The following NPM1 variants were observed in gnomAD, a reference collection of about 807,000 sequenced individuals.
The protein encoded by NPM1 is nucleophosmin.
NPM1 carries 1 observed loss-of-function variant against 44.1 expected under a neutral mutation model. The observed-to-expected ratio is 0.02, with a 90% CI of 0.01 to 0.11. The LOEUF is 0.11. Ranked by LOEUF, NPM1 falls within the 10% of genes least tolerant of loss-of-function variation. NPM1 has a pLI of 1.00. For synonymous variants in NPM1, 126 were observed against 111.8 expected (o/e 1.13, Z -0.80); for missense variants, 197 against 347.8 (o/e 0.57, Z 3.45).
At chr5:171,402,135 C>T (rs1429718550) in intron 8 of NPM1, among the ~76,000 whole-genome samples, 1 of 144,748 alleles carries the variant, frequency 6.9e-6, no homozygotes, top group Non-Finnish European at 1.5e-5. Context: ...CACATATAAT[C>T]TATTGACTAA....
chr5:171,400,925 A>G lies in NPM1; in HGVS notation c.669A>G (p.Lys223=), dbSNP rs780229057. ...AACCATCATCAACACCAAGATCAAAAGTAAGTGGCTACATTTACACGTGGG... is the reference window on the plus strand; with the variant it reads ...AACCATCATCAACACCAAGATCAAAGGTAAGTGGCTACATTTACACGTGGG... ...DSKPSSTPRS[K]GQESFKKQEK... The change falls in exon 8 of 11, where the codon AAA becomes AAG. Residue 223 remains lysine, a splice_region_variant and synonymous_variant. Coordinates refer to ENST00000296930, the MANE Select transcript of NPM1 (RefSeq NM_002520.7). 1.2e-6 allele frequency: 2 copies of G among 1,603,066 alleles called. No homozygotes were observed. The highest frequency in any genetic ancestry group is 1.7e-6 in the Non-Finnish European group (2 of 1,170,328).
intron 4 of NPM1, 125 bp downstream of exon 4, chr5:171,391,924 T>G: frequency 2.1e-6 from 1 of 468,952 alleles, no homozygotes; most frequent in South Asian, 4.0e-5. Flanking sequence ...AATGTGAGTC[T>G]AGAAATTGGA....
chr5:171,397,824 GTC>G (rs1169320416), intron 6 of NPM1, among the ~76,000 whole-genome samples: 1 of 124,434 alleles, frequency 8.0e-6, no homozygotes, highest in Non-Finnish European at 1.6e-5. Context: ...TTTTTGACAA[GTC>G]TCTGTTGCCC....
chr5:171,387,632 G>C (rs1770286197), upstream of NPM1: 1 of 359,996 alleles, frequency 2.8e-6, no homozygotes, highest in Admixed American at 4.6e-5. Context: ...CAGCGGAGGG[G>C]TGGGGCCAGT....
intron 1 of NPM1, among the ~76,000 whole-genome samples, chr5:171,389,243 A>T (rs1208217018): frequency 6.6e-6 from 1 of 152,202 alleles, no homozygotes; most frequent in South Asian, 2.1e-4. Flanking sequence ...CTTGTTCATT[A>T]TCCGTGCTGA....
intron 9 of NPM1, 183 bp from the exon 10 acceptor site, chr5:171,407,517 C>T: frequency 1.7e-6 from 1 of 595,078 alleles, no homozygotes; most frequent in Middle Eastern, 4.4e-4. Flanking sequence ...AATAGAGATA[C>T]TAGCCATGCT....
intron 8 of NPM1, among the ~76,000 whole-genome samples, chr5:171,404,937 TC>T (rs1220521686): frequency 3.3e-5 from 5 of 151,862 alleles, no homozygotes; most frequent in Non-Finnish European, 5.9e-5. Context: ...CCCAAGTTAC[TC>T]TTTTTTTTTT....
At chr5:171,398,478 A>G (rs1771025940) in intron 6 of NPM1, among the ~76,000 whole-genome samples, 1 of 152,166 alleles carries the variant, frequency 6.6e-6, no homozygotes, top group Non-Finnish European at 1.5e-5. Context: ...GGCAACCTTT[A>G]AAAGAGTCAC....
intron 7 of NPM1, 52 bp downstream of exon 7, chr5:171,400,262 T>G (rs1771124522): frequency 6.2e-7 from 1 of 1,608,228 alleles, no homozygotes; most frequent in African/African-American, 1.3e-5. Context: ...GAAATGGTGA[T>G]TTTTTAGTGC....
At chr5:171,392,424 G>T (rs1037244027) in intron 4 of NPM1, among the ~76,000 whole-genome samples, 4 of 152,050 alleles carry the variant, frequency 2.6e-5, no homozygotes, top group Admixed American at 6.6e-5. Flanking sequence ...GTCTCAGTAT[G>T]TTGCCCAGAT....
chr5:171,397,372 G>C (rs183755750), intron 6 of NPM1, among the ~76,000 whole-genome samples: 1 of 152,320 alleles, frequency 6.6e-6, no homozygotes, highest in East Asian at 1.9e-4. Flanking sequence ...ACCTAAAGCA[G>C]AGTGGCTCAC....
At chr5:171,394,242 G>T (rs765016926) in intron 6 of NPM1, among the ~76,000 whole-genome samples, 2 of 151,952 alleles carry the variant, frequency 1.3e-5, no homozygotes, top group Non-Finnish European at 2.9e-5. Context: ...GTTTCAGTAT[G>T]TTGGTCCGGC....
intron 1 of NPM1, among the ~76,000 whole-genome samples, 196 bp downstream of exon 1, chr5:171,388,202 A>AGG (rs1208822250): frequency 6.6e-6 from 1 of 151,804 alleles, no homozygotes; most frequent in African/African-American, 2.4e-5. Flanking sequence ...GGTGGCGTGA[A>AGG]GGGGGAGGAG....
chr5:171,404,239 C>T (rs1376845376), intron 8 of NPM1, among the ~76,000 whole-genome samples: 1 of 106,436 alleles, frequency 9.4e-6, no homozygotes, highest in African/African-American at 3.7e-5. Flanking sequence ...GGGTTGACCC[C>T]CCCCCACCTC....
At chr5:171,390,770 C>G (rs1455137304) in intron 2 of NPM1, among the ~76,000 whole-genome samples, 4 of 151,802 alleles carry the variant, frequency 2.6e-5, no homozygotes, top group African/African-American at 9.7e-5. Flanking sequence ...GTCACCCAGG[C>G]TGGAGTGCAG....
intron 2 of NPM1, among the ~76,000 whole-genome samples, 195 bp downstream of exon 2, chr5:171,390,325 A>G (rs922055032): frequency 2.0e-5 from 3 of 152,206 alleles, no homozygotes; most frequent in African/African-American, 4.8e-5. Flanking sequence ...TTTGGTAACC[A>G]TGTAAATTCC....
chr5:171,400,218 G>C lies in NPM1; in HGVS notation c.582+8G>C. 6.2e-7 allele frequency: 1 copy of C among 1,613,664 alleles called. No homozygotes were observed. The highest frequency in any genetic ancestry group is 1.3e-5 in the African/African-American group (1 of 74,988). On this transcript the variant is annotated splice_region_variant and intron_variant, in intron 7 of 10. Coordinates refer to ENST00000296930, the MANE Select transcript of NPM1 (RefSeq NM_002520.7). ...AAAGCGCCAGTGAAGAAAGTGAGTA[G>C]ATACAATGCTACAAGGTTGTTAAAC...
In NPM1 at chr5:171,401,014, A is replaced by T. The variant is rs957793403; in HGVS notation, c.669+89A>T. The T allele has an allele frequency of 1.5e-5, 13 of 872,470 alleles. No homozygotes were observed. In the African/African-American group the frequency reaches 2.0e-4, roughly 14 times the overall value. The allele number at this position is 872,470 out of a possible 1,614,324, so 54.0% of individuals were successfully genotyped here. A position where few individuals can be genotyped will look rare whatever the true frequency, so the allele number is the denominator to read the frequency against. ...AAGAATCTAGTGTGTCTGAAATTTG[A>T]TAGGCCTTTATAGAACCCCTGTAAT... On this transcript the variant is annotated intron_variant, in intron 8 of 10. Coordinates refer to ENST00000296930, the MANE Select transcript of NPM1 (RefSeq NM_002520.7).
intron 6 of NPM1, among the ~76,000 whole-genome samples, chr5:171,395,210 C>T (rs1359427425): frequency 6.6e-6 from 1 of 152,076 alleles, no homozygotes; most frequent in African/African-American, 2.4e-5. Flanking sequence ...CATGATGTAA[C>T]CACAATGTAA....
Sources: gnomAD v4.1 joint callset for allele counts (sites outside exome capture counted in the v4.1 genomes callset) on GRCh38, gnomAD v4.1.1 for gene constraint, MANE v1.5 for transcripts, NCBI Gene and HGNC (gene_info 2026-07-23, HGNC 2026-07-21) for gene names.